The following TGFBR3 variants were observed in gnomAD, a reference collection of about 807,000 sequenced individuals.
The protein encoded by TGFBR3 is transforming growth factor beta receptor type 3.
TGFBR3 carries 46 observed loss-of-function variants against 87.9 expected under a neutral mutation model. The observed-to-expected ratio is 0.52, with a 90% CI of 0.41 to 0.67. The LOEUF is 0.67. Ranked by LOEUF, TGFBR3 falls within the 30% of genes least tolerant of loss-of-function variation. TGFBR3 has a pLI of 0.00. For missense variants in TGFBR3, 866 were observed against 1,041.9 expected, an observed-to-expected ratio of 0.83 and a Z score of 2.32; for synonymous variants, 381 against 391.6, an observed-to-expected ratio of 0.97 and a Z score of 0.32.
rs188359928 is a variant in TGFBR3, at chr1:91,749,116, A to G, written c.384+9497T>C. On this transcript the variant is annotated intron_variant, in intron 4 of 16. Coordinates refer to ENST00000212355, the MANE Select transcript of TGFBR3 (RefSeq NM_003243.5). ...TATACAAACTGCAAGAAAAGGATAT[A>G]AAAACCCTGTTTTAATGGATTGGGG... Among the ~76,000 whole-genome samples, 15 of 152,304 alleles carry G rather than the reference A, an allele frequency of 9.8e-5. No homozygotes were observed. In the East Asian group the frequency reaches 2.3e-3, roughly 24 times the overall value.
intron 4 of TGFBR3, among the ~76,000 whole-genome samples, chr1:91,740,778 C>T (rs1244342834): frequency 6.6e-6 from 1 of 152,200 alleles, no homozygotes; most frequent in Non-Finnish European, 1.5e-5. Flanking sequence ...CCAGTCCATG[C>T]TCCAGACACT....
intron 4 of TGFBR3, among the ~76,000 whole-genome samples, chr1:91,753,823 T>C (rs1673643421): frequency 6.6e-6 from 1 of 152,236 alleles, no homozygotes; most frequent in South Asian, 2.1e-4. Context: ...TATATGGATA[T>C]AGCACTGTTT....
intron 14 of TGFBR3, 30 bp downstream of exon 14, chr1:91,708,633 C>CA: frequency 6.2e-7 from 1 of 1,613,726 alleles, no homozygotes; most frequent in Non-Finnish European, 8.5e-7. Flanking sequence ...GCTCAGGCCC[C>CA]ATGCTCTGAT....
At chr1:91,799,745 C>T (rs1298021717) in intron 2 of TGFBR3, among the ~76,000 whole-genome samples, 8 of 152,078 alleles carry the variant, frequency 5.3e-5, no homozygotes, top group Admixed American at 3.3e-4. Context: ...TTTGATCTGC[C>T]CTCCTCTGCA....
intron 16 of TGFBR3, among the ~76,000 whole-genome samples, chr1:91,688,734 A>G (rs945099371): frequency 3.3e-5 from 5 of 152,146 alleles, no homozygotes; most frequent in Non-Finnish European, 2.9e-5. Context: ...GTGTTCTTAA[A>G]GCAAAAGTCA....
chr1:91,723,219 C>T (rs1672429286), intron 7 of TGFBR3, among the ~76,000 whole-genome samples: 2 of 152,080 alleles, frequency 1.3e-5, no homozygotes, highest in South Asian at 2.1e-4. Context: ...CAATACTTCA[C>T]ACCTATAATA....
Position 91,844,287 on chromosome 1 carries a change from T to C in TGFBR3, c.61+17184A>G, listed in dbSNP as rs554637149. 1.6e-4 allele frequency among the ~76,000 whole-genome samples: 24 copies of C among 152,242 alleles called. No homozygotes were observed. The South Asian group carries it at 4.8e-3, about 30-fold the overall frequency. On this transcript the variant is annotated intron_variant, in intron 2 of 16. Transcript: ENST00000212355. ...CACTCTCCAGGAAAGTCAGAGGGAG[T>C]ATCAGTTTTCATCATTATTAATGAA... is the stretch of plus-strand genomic sequence containing the variant.
intron 2 of TGFBR3, among the ~76,000 whole-genome samples, chr1:91,813,850 G>A (rs1344651987): frequency 6.6e-6 from 1 of 152,210 alleles, no homozygotes; most frequent in Non-Finnish European, 1.5e-5. Flanking sequence ...GGATGGAACT[G>A]TTCCACCTCA....
intron 16 of TGFBR3, among the ~76,000 whole-genome samples, chr1:91,691,783 G>A (rs1671273910): frequency 6.6e-6 from 1 of 152,194 alleles, no homozygotes; most frequent in Non-Finnish European, 1.5e-5. Context: ...AAGAGCTGAA[G>A]AAAAGGAATC....
chr1:91,810,418 C>T (rs1675988661), intron 2 of TGFBR3, among the ~76,000 whole-genome samples: 1 of 152,190 alleles, frequency 6.6e-6, no homozygotes, highest in African/African-American at 2.4e-5. Flanking sequence ...ACTGTTACAC[C>T]TGTTACTCCT....
At chr1:91,796,503 A>T (rs1418735796) in intron 3 of TGFBR3, among the ~76,000 whole-genome samples, 1 of 152,156 alleles carries the variant, frequency 6.6e-6, no homozygotes, top group Non-Finnish European at 1.5e-5. Context: ...AGTGATAAGG[A>T]GCTATGCTCA....
chr1:91,798,545 C>A (rs1571521137), intron 2 of TGFBR3, among the ~76,000 whole-genome samples: 2 of 152,286 alleles, frequency 1.3e-5, no homozygotes, highest in South Asian at 4.1e-4. Context: ...ACTCCGCCCC[C>A]ACAACAAACA....
intron 14 of TGFBR3, among the ~76,000 whole-genome samples, chr1:91,699,151 G>C (rs1671533751): frequency 6.6e-6 from 1 of 152,074 alleles, no homozygotes; most frequent in Admixed American, 6.5e-5. Flanking sequence ...TCCTGATGGA[G>C]TCCTTCACCC....
chr1:91,769,556 C>T (rs996963251), intron 3 of TGFBR3, among the ~76,000 whole-genome samples: 32 of 152,138 alleles, frequency 2.1e-4, no homozygotes, highest in African/African-American at 7.7e-4. Flanking sequence ...ATCTCCAAGG[C>T]TCACTTCACT....
At chr1:91,776,147 C>T (rs1048174621) in intron 3 of TGFBR3, among the ~76,000 whole-genome samples, 4 of 152,182 alleles carry the variant, frequency 2.6e-5, no homozygotes, top group Non-Finnish European at 5.9e-5. Flanking sequence ...TAAGTCAACA[C>T]GCAACACTGG....
At chr1:91,809,386 T>G (rs17880602) in intron 2 of TGFBR3, among the ~76,000 whole-genome samples, 3 of 152,138 alleles carry the variant, frequency 2.0e-5, no homozygotes, top group Non-Finnish European at 4.4e-5. Flanking sequence ...TTAGGGCTGG[T>G]GGCCAGGGTC....
At chr1:91,844,844 C>T (rs777227460) in intron 2 of TGFBR3, among the ~76,000 whole-genome samples, 1 of 152,174 alleles carries the variant, frequency 6.6e-6, no homozygotes, top group Non-Finnish European at 1.5e-5. Flanking sequence ...TTTGTCAGTA[C>T]AAAGGCTTTC....
Position 91,695,703 on chromosome 1 carries a change from C to A in TGFBR3, c.2406G>T (p.Thr802=). Residue 802 remains threonine (T), a synonymous_variant, in exon 16 of 17, where the codon ACG becomes ACT. Transcript: ENST00000212355. The stretch of plus-strand genomic sequence containing the variant: ...GAGAATAGATGTACCACAAGGCCCC[C>A]GTCAGGAGTGCTCCGATCACAAAGG... ...FAAFVIGALL[T]GALWYIYSHT... 2.5e-6 allele frequency: 4 copies of A among 1,614,184 alleles called. No individual in the cohort carries two copies. The highest frequency in any genetic ancestry group is 3.4e-6 in the Non-Finnish European group (4 of 1,180,018).
At chr1:91,848,952 T>C (rs1483429095) in intron 2 of TGFBR3, among the ~76,000 whole-genome samples, 3 of 152,212 alleles carry the variant, frequency 2.0e-5, no homozygotes, top group Non-Finnish European at 4.4e-5. Flanking sequence ...GTTCTATAGA[T>C]GTAATTATCT....
Sources: gnomAD v4.1 joint callset for allele counts (sites outside exome capture counted in the v4.1 genomes callset) on GRCh38, gnomAD v4.1.1 for gene constraint, MANE v1.5 for transcripts, NCBI Gene and HGNC (gene_info 2026-07-23, HGNC 2026-07-21) for gene names.